IFT25: variants seen among roughly 807,000 people sequenced by gnomAD.
The protein encoded by IFT25 is intraflagellar transport 25, also known as intraflagellar transport protein 25 homolog.
At chr1:53,930,751 G>C in the IFT25 span, among the ~76,000 whole-genome samples, 2 of 152,030 alleles carry the variant, frequency 1.3e-5, no homozygotes, top group Non-Finnish European at 2.9e-5. Context: ...TCTGAGTCCA[G>C]TTTCTTTCTC....
the IFT25 span, among the ~76,000 whole-genome samples, chr1:53,933,076 GT>G: frequency 9.3e-5 from 14 of 150,204 alleles, no homozygotes; most frequent in Non-Finnish European, 1.6e-4. Context: ...GCTTTATGTA[GT>G]TTAAAGAACT....
chr1:53,935,319 C>CATGT, the IFT25 span, among the ~76,000 whole-genome samples: 1 of 152,156 alleles, frequency 6.6e-6, no homozygotes, highest in African/African-American at 2.4e-5. Context: ...CAAAAGACCA[C>CATGT]ATGTGTATGG....
the IFT25 span, among the ~76,000 whole-genome samples, chr1:53,913,538 C>T: frequency 3.3e-5 from 5 of 152,122 alleles, no homozygotes; most frequent in African/African-American, 9.7e-5. Flanking sequence ...CATTGACATT[C>T]GCTGTCTTGA....
chr1:53,926,184 C>T, the IFT25 span, among the ~76,000 whole-genome samples: 1 of 151,980 alleles, frequency 6.6e-6, no homozygotes, highest in Non-Finnish European at 1.5e-5. Flanking sequence ...CTCACTCTGT[C>T]GCCTAGATTG....
the IFT25 span, among the ~76,000 whole-genome samples, chr1:53,916,159 T>C: frequency 7.3e-6 from 1 of 136,074 alleles, no homozygotes; most frequent in Admixed American, 7.7e-5. Context: ...CGCTCCAGCC[T>C]GGGCAACAGA....
At chr1:53,939,973 A>G in the IFT25 span, 1 of 1,473,736 alleles carries the variant, frequency 6.8e-7, no homozygotes, top group African/African-American at 1.4e-5. Flanking sequence ...AACAAAGTAT[A>G]GTAACTCTTA....
chr1:53,932,298 C>T, the IFT25 span, among the ~76,000 whole-genome samples: 1 of 150,572 alleles, frequency 6.6e-6, no homozygotes, highest in Non-Finnish European at 1.5e-5. Flanking sequence ...TGCACCACTG[C>T]ACTCCAGCCT....
the IFT25 span, among the ~76,000 whole-genome samples, chr1:53,939,074 CAAAAAAAAAAAA>C: frequency 1.4e-3 from 32 of 22,556 alleles, no homozygotes; most frequent in African/African-American, 3.2e-3. Context: ...AACTCCGTCT[CAAAAAAAAAAAA>C]AAAAAAAAAA....
At chr1:53,918,379 C>T in the IFT25 span, among the ~76,000 whole-genome samples, 1 of 152,204 alleles carries the variant, frequency 6.6e-6, no homozygotes. Flanking sequence ...CAGACCCAGA[C>T]TGATAAAAGT....
the IFT25 span, among the ~76,000 whole-genome samples, chr1:53,932,226 C>T: frequency 1.3e-5 from 2 of 151,780 alleles, no homozygotes; most frequent in Non-Finnish European, 1.5e-5. Context: ...TGGCACATGC[C>T]GGTAGTCTCA....
chr1:53,942,158 G>A, the IFT25 span, among the ~76,000 whole-genome samples: 1 of 152,074 alleles, frequency 6.6e-6, no homozygotes, highest in African/African-American at 2.4e-5. Flanking sequence ...AAAGAAATGA[G>A]CAAGCTAGAA....
chr1:53,917,349 T>C, the IFT25 span, among the ~76,000 whole-genome samples: 7 of 152,306 alleles, frequency 4.6e-5, no homozygotes, highest in African/African-American at 1.4e-4. Flanking sequence ...TTCCAGATTA[T>C]CAGGCCATTT....
chr1:53,945,711 G>A, the IFT25 span: 2 of 150,058 alleles, frequency 1.3e-5, no homozygotes, highest in Admixed American at 6.6e-5. Context: ...AAATCTTCGC[G>A]CCACGCCTCC....
chr1:53,934,930 C>CA, the IFT25 span, among the ~76,000 whole-genome samples: 1 of 152,114 alleles, frequency 6.6e-6, no homozygotes, highest in South Asian at 2.1e-4. Context: ...ACTCAGCAGG[C>CA]AGAGGTTGCA....
chr1:53,938,601 A>G, the IFT25 span, among the ~76,000 whole-genome samples: 1 of 152,242 alleles, frequency 6.6e-6, no homozygotes, highest in Admixed American at 6.5e-5. Flanking sequence ...TTCAATGATT[A>G]AAAGTAGTAC....
chr1:53,916,972 T>G, the IFT25 span: 1 of 292,166 alleles, frequency 3.4e-6, no homozygotes, highest in Non-Finnish European at 6.3e-6. Flanking sequence ...CAAAACCCCA[T>G]CTTTACTAAA....
chr1:53,936,946 C>T, the IFT25 span, among the ~76,000 whole-genome samples: 1 of 152,092 alleles, frequency 6.6e-6, no homozygotes, highest in African/African-American at 2.4e-5. Flanking sequence ...CCTCCTGCCT[C>T]AGCCACTATG....
the IFT25 span, among the ~76,000 whole-genome samples, chr1:53,916,067 C>T: frequency 6.6e-6 from 1 of 151,716 alleles, no homozygotes; most frequent in African/African-American, 2.4e-5. Context: ...TGTCTGTAGT[C>T]CCAGCTACCC....
chr1:53,923,126 A>T, the IFT25 span, among the ~76,000 whole-genome samples: 1 of 152,188 alleles, frequency 6.6e-6, no homozygotes, highest in Non-Finnish European at 1.5e-5. Flanking sequence ...ACTTGGGTGA[A>T]TTTTGGTGGG....
Sources: gnomAD v4.1 joint callset for allele counts (sites outside exome capture counted in the v4.1 genomes callset) on GRCh38, gnomAD v4.1.1 for gene constraint, MANE v1.5 for transcripts, NCBI Gene and HGNC (gene_info 2026-07-23, HGNC 2026-07-21) for gene names.